MARCHF1: variants seen among roughly 807,000 people sequenced by gnomAD.
The protein encoded by MARCHF1 is membrane associated ring-CH-type finger 1, also known as E3 ubiquitin-protein ligase MARCHF1.
A neutral mutation model predicts 54.2 loss-of-function variants in MARCHF1; 40 were observed. That is an observed-to-expected ratio of 0.74 (90% CI 0.57 to 0.96). MARCHF1 has a LOEUF of 0.96. Among genes scored for constraint, MARCHF1 ranks in the 40% least tolerant of loss-of-function variants. MARCHF1 has a pLI of 0.00. For missense variants in MARCHF1, 586 were observed against 656.5 expected (o/e 0.89, Z 1.17); for synonymous variants, 236 against 236.3 (o/e 1.00, Z 0.01).
intron 1 of MARCHF1, among the ~76,000 whole-genome samples, chr4:164,180,930 A>C (rs1437062349): frequency 6.6e-6 from 1 of 152,126 alleles, no homozygotes; most frequent in Non-Finnish European, 1.5e-5. Flanking sequence ...CTTAATATCC[A>C]TTCTAGACAA....
At chr4:163,849,848 GA>G (rs1749595203) in intron 4 of MARCHF1, among the ~76,000 whole-genome samples, 1 of 152,104 alleles carries the variant, frequency 6.6e-6, no homozygotes, top group South Asian at 2.1e-4. Context: ...TGTTAAGTCT[GA>G]AATGTCTGAG....
chr4:164,132,602 G>T (rs940499251), intron 1 of MARCHF1, among the ~76,000 whole-genome samples: 1 of 152,054 alleles, frequency 6.6e-6, no homozygotes, highest in East Asian at 1.9e-4. Flanking sequence ...TTTTCCCCCT[G>T]CAATCTGTGT....
intron 1 of MARCHF1, chr4:164,188,292 G>GA: frequency 3.2e-6 from 1 of 309,848 alleles, no homozygotes; most frequent in East Asian, 7.1e-5. Context: ...TCGCAATTGT[G>GA]AGAGGCGGGT....
chr4:163,806,815 A>AGTGT (rs965172629), intron 4 of MARCHF1, among the ~76,000 whole-genome samples: 1 of 152,176 alleles, frequency 6.6e-6, no homozygotes, highest in African/African-American at 2.4e-5. Flanking sequence ...AGTCCAAAAC[A>AGTGT]GTGTGATCGC....
chr4:163,899,527 C>T (rs1750891382), intron 3 of MARCHF1, among the ~76,000 whole-genome samples: 1 of 152,090 alleles, frequency 6.6e-6, no homozygotes, highest in South Asian at 2.1e-4. Context: ...AGAATAGTCC[C>T]TGGCTGTGTC....
chr4:163,970,605 A>G (rs1752528809), intron 3 of MARCHF1, among the ~76,000 whole-genome samples: 1 of 152,316 alleles, frequency 6.6e-6, no homozygotes, highest in Admixed American at 6.5e-5. Context: ...AGAAATAAAG[A>G]TGTCTAGATT....
intron 1 of MARCHF1, among the ~76,000 whole-genome samples, chr4:164,341,843 T>C (rs1024353412): frequency 3.9e-5 from 6 of 152,186 alleles, no homozygotes; most frequent in African/African-American, 1.4e-4. Context: ...GCAAATGACA[T>C]AATCTCACAT....
chr4:164,163,528 C>A (rs2110949658), intron 1 of MARCHF1, among the ~76,000 whole-genome samples: 1 of 151,240 alleles, frequency 6.6e-6, no homozygotes, highest in Middle Eastern at 3.4e-3. Flanking sequence ...TCAATTAATA[C>A]AAAAAAAGTA....
chr4:163,688,355 A>AT (rs1744336336), intron 5 of MARCHF1, among the ~76,000 whole-genome samples: 1 of 152,202 alleles, frequency 6.6e-6, no homozygotes, highest in Admixed American at 6.5e-5. Flanking sequence ...ATTAAAGATG[A>AT]TTTTAAAAAC....
At chr4:164,170,451 T>C (rs956489432) in intron 1 of MARCHF1, among the ~76,000 whole-genome samples, 6 of 152,142 alleles carry the variant, frequency 3.9e-5, no homozygotes, top group East Asian at 1.9e-4. Flanking sequence ...TAAGTGTTTA[T>C]TGAGCCTGCA....
intron 2 of MARCHF1, among the ~76,000 whole-genome samples, chr4:164,021,563 T>C (rs1236853224): frequency 1.4e-5 from 2 of 147,026 alleles, no homozygotes; most frequent in African/African-American, 5.1e-5. Flanking sequence ...CAAAACTCTT[T>C]GCCTGACAAA....
At position 163,695,863 on chromosome 4, in the gene MARCHF1, C is replaced by T. The variant is rs553475135; in HGVS notation, c.162+4950G>A. Among the ~76,000 whole-genome samples the T allele has an allele frequency of 1.2e-4, 19 of 152,172 alleles. No individual in the cohort carries two copies. In the South Asian group the frequency reaches 3.9e-3, roughly 32 times the overall value. On this transcript the variant is annotated intron_variant, in intron 5 of 9. Transcript: ENST00000514618. The stretch of plus-strand genomic sequence containing the variant: ...AGGCAAGATTTGGCTGACTTTTCTT[C>T]TTGAGGAACCTATTTGTGAGTAATA...
At position 164,148,850 on chromosome 4, in the gene MARCHF1, T is replaced by G. The variant is rs550614195; in HGVS notation, c.-322-37188A>C. 1.4e-4 allele frequency among the ~76,000 whole-genome samples: 21 copies of G among 152,214 alleles called. No individual in the cohort carries two copies. In the South Asian group the frequency reaches 4.4e-3, roughly 32 times the overall value. On this transcript the variant is annotated intron_variant, in intron 1 of 9. Transcript: ENST00000514618. ...ATTAATATGGACAAAGACACTAACATGTCTCACAAGTGCTGTCTCCTAACA... is the reference window on the plus strand; with the variant it reads ...ATTAATATGGACAAAGACACTAACAGGTCTCACAAGTGCTGTCTCCTAACA...
chr4:164,237,223 T>C (rs1014498790), intron 1 of MARCHF1, among the ~76,000 whole-genome samples: 2 of 152,180 alleles, frequency 1.3e-5, no homozygotes, highest in African/African-American at 2.4e-5. Flanking sequence ...AAAATCTGGC[T>C]ATTACATAGA....
intron 5 of MARCHF1, among the ~76,000 whole-genome samples, chr4:163,649,465 A>G (rs538724435): frequency 6.6e-6 from 1 of 152,012 alleles, no homozygotes; most frequent in Non-Finnish European, 1.5e-5. Flanking sequence ...AAATCTATCA[A>G]CCAGAGATTG....
rs554533904 is a variant in MARCHF1, at chr4:163,894,952, TGC to T, written c.-38-40785_-38-40784del. On this transcript the variant is annotated intron_variant, in intron 3 of 9. Transcript: ENST00000514618. ...GATGCATATATATATATGCATGTGATGCATATATATATATGCATGTGATGCAC... is the reference window on the plus strand; with the variant it reads ...GATGCATATATATATATGCATGTGATATATATATATATGCATGTGATGCAC... Among the ~76,000 whole-genome samples, 13 of 100,188 alleles carry T rather than the reference TGC, an allele frequency of 1.3e-4. 3 individuals are homozygous for T. The highest frequency in any genetic ancestry group is 5.5e-4 in the African/African-American group (13 of 23,612). 65.7% of individuals were successfully genotyped at this position (100,188 alleles called of 152,430 possible).
rs539239798 is a variant in MARCHF1 at position 163,746,089 on chromosome 4, A to G, written c.112-45226T>C. Among the ~76,000 whole-genome samples, 7 of 152,338 alleles carry G rather than the reference A, an allele frequency of 4.6e-5. No individual in the cohort carries two copies. In the East Asian group the frequency reaches 1.2e-3, roughly 25 times the overall value. ...ATTCTATGGGTTTGGACAAATGTAT[A>G]ATGACATAGATCCATCTTTACAGTA... On this transcript the variant is annotated intron_variant, in intron 4 of 9. Coordinates refer to ENST00000514618, the MANE Select transcript of MARCHF1 (RefSeq NM_001394959.1).
In MARCHF1 at chr4:163,733,227, G is replaced by GTATA. The variant is rs1241873225; in HGVS notation, c.112-32368_112-32365dup. On this transcript the variant is annotated intron_variant, in intron 4 of 9. Transcript: ENST00000514618. ...TATATATATATATATATATACACGT[G>GTATA]TATATATATATATACACGTGTATAT... 2.5e-3 allele frequency among the ~76,000 whole-genome samples: 35 copies of GTATA among 13,828 alleles called. 3 individuals carry two copies. Among genetic ancestry groups the GTATA allele is most frequent in the African/African-American group, 5.7e-3 (31 of 5,470 alleles). 9.1% of individuals were successfully genotyped at this position (13,828 alleles called of 152,430 possible).
chr4:163,929,908 A>AAATATATAT (rs1182485468), intron 3 of MARCHF1, among the ~76,000 whole-genome samples: 1 of 128,106 alleles, frequency 7.8e-6, no homozygotes, highest in Non-Finnish European at 1.6e-5. Context: ...AACATATTGG[A>AAATATATAT]AATATATATA....
Sources: allele counts gnomAD v4.1 joint callset (sites outside exome capture counted in the v4.1 genomes callset), GRCh38; gene constraint gnomAD v4.1.1; transcripts MANE v1.5; gene names NCBI Gene and HGNC (gene_info 2026-07-23, HGNC 2026-07-21).